The following GRIK2 variants were observed in gnomAD, a reference collection of about 807,000 sequenced individuals.
The protein encoded by GRIK2 is glutamate ionotropic receptor kainate type subunit 2, also known as glutamate receptor ionotropic, kainate 2.
In GRIK2, 32 loss-of-function variants were observed where a neutral mutation model predicts 100.3. The ratio of observed to expected loss-of-function variants is 0.32; its 90% CI spans 0.24 to 0.43. The LOEUF is 0.43. GRIK2 is among the 20% of genes least tolerant of loss of function. The pLI is 1.00. For synonymous variants in GRIK2, 417 were observed against 389.4 expected, an observed-to-expected ratio of 1.07 and a Z score of -0.83; for missense variants, 843 against 1,114.9, an observed-to-expected ratio of 0.76 and a Z score of 3.47.
At chr6:101,468,070 C>G (rs1771751100) in intron 2 of GRIK2, among the ~76,000 whole-genome samples, 2 of 152,090 alleles carry the variant, frequency 1.3e-5, no homozygotes. Flanking sequence ...TATGGAACTG[C>G]CTCAGGCAGA....
At chr6:101,637,774 G>T (rs2128323118) in intron 4 of GRIK2, among the ~76,000 whole-genome samples, 1 of 151,980 alleles carries the variant, frequency 6.6e-6, no homozygotes, top group African/African-American at 2.4e-5. Flanking sequence ...TTAAATTTCT[G>T]GTATTCCTTC....
At chr6:101,797,342 T>C (rs1190860426) in intron 7 of GRIK2, among the ~76,000 whole-genome samples, 2 of 152,118 alleles carry the variant, frequency 1.3e-5, no homozygotes, top group East Asian at 1.9e-4. Context: ...ATATAGTATG[T>C]AGTGGTGGCC....
At chr6:102,063,674 T>C (rs1269905310) in intron 16 of GRIK2, among the ~76,000 whole-genome samples, 2 of 150,318 alleles carry the variant, frequency 1.3e-5, no homozygotes, top group Admixed American at 1.3e-4. Flanking sequence ...TTCTGTAACA[T>C]CAACAATGAT....
At chr6:101,769,488 C>G (rs1282734794) in intron 7 of GRIK2, among the ~76,000 whole-genome samples, 1 of 152,088 alleles carries the variant, frequency 6.6e-6, no homozygotes, top group Non-Finnish European at 1.5e-5. Context: ...GTTAAGAGCC[C>G]TTTGCTGAGC....
chr6:101,683,035 T>C (rs999648801), intron 6 of GRIK2, among the ~76,000 whole-genome samples: 3 of 151,940 alleles, frequency 2.0e-5, no homozygotes, highest in Non-Finnish European at 4.4e-5. Flanking sequence ...GAAACCCATC[T>C]CTACTAAAAA....
intron 7 of GRIK2, among the ~76,000 whole-genome samples, chr6:101,763,108 C>T (rs1777833902): frequency 6.6e-6 from 1 of 152,152 alleles, no homozygotes; most frequent in South Asian, 2.1e-4. Context: ...CAAAGAACAT[C>T]AAGGCCATCC....
intron 7 of GRIK2, among the ~76,000 whole-genome samples, chr6:101,725,180 A>G (rs1774774897): frequency 1.3e-5 from 2 of 152,064 alleles, no homozygotes. Flanking sequence ...GTTCCTTCAA[A>G]GTGAACTTTT....
At chr6:101,716,531 T>C (rs2128362198) in intron 7 of GRIK2, among the ~76,000 whole-genome samples, 1 of 144,414 alleles carries the variant, frequency 6.9e-6, no homozygotes. Context: ...ACTGACAACC[T>C]ATGGAGAGAC....
chr6:101,893,982 T>C (rs1787273277), intron 12 of GRIK2, among the ~76,000 whole-genome samples: 1 of 151,642 alleles, frequency 6.6e-6, no homozygotes. Flanking sequence ...TCTTGTAATA[T>C]ATATTTTGCT....
intron 2 of GRIK2, among the ~76,000 whole-genome samples, chr6:101,419,517 C>T (rs1432642549): frequency 6.6e-6 from 1 of 152,094 alleles, no homozygotes; most frequent in Non-Finnish European, 1.5e-5. Context: ...TTTAGAGGGA[C>T]GGAGCAATAG....
intron 7 of GRIK2, among the ~76,000 whole-genome samples, chr6:101,791,076 C>T (rs1000239571): frequency 5.9e-4 from 89 of 151,980 alleles, no homozygotes; most frequent in South Asian, 2.5e-3. Context: ...TTTTTTATTG[C>T]GTCTATTTGA....
intron 2 of GRIK2, among the ~76,000 whole-genome samples, chr6:101,436,453 G>A (rs1270283997): frequency 3.3e-5 from 5 of 151,858 alleles, no homozygotes; most frequent in Admixed American, 6.6e-5. Context: ...TTTAGCATTT[G>A]CCTTGTAAGA....
intron 7 of GRIK2, among the ~76,000 whole-genome samples, chr6:101,797,302 T>C (rs546173160): frequency 6.6e-6 from 1 of 151,974 alleles, no homozygotes; most frequent in Admixed American, 6.6e-5. Flanking sequence ...AACATTATTA[T>C]TTTATTGTGT....
intron 2 of GRIK2, among the ~76,000 whole-genome samples, chr6:101,503,683 G>T (rs1192931058): frequency 6.6e-6 from 1 of 152,146 alleles, no homozygotes; most frequent in African/African-American, 2.4e-5. Flanking sequence ...CATGATTTAT[G>T]TAAATTTTAG....
chr6:101,856,279 A>G (rs1784421221), intron 10 of GRIK2, among the ~76,000 whole-genome samples: 1 of 152,208 alleles, frequency 6.6e-6, no homozygotes, highest in Admixed American at 6.5e-5. Context: ...AGAGTAAACG[A>G]TGGTGCCATT....
intron 14 of GRIK2, among the ~76,000 whole-genome samples, chr6:101,957,380 C>G (rs529205415): frequency 6.6e-6 from 1 of 151,286 alleles, no homozygotes; most frequent in African/African-American, 2.4e-5. Flanking sequence ...TTTGTAAATT[C>G]TGGATATTAG....
At chr6:101,559,854 C>G (rs1022424568) in intron 2 of GRIK2, among the ~76,000 whole-genome samples, 3 of 151,994 alleles carry the variant, frequency 2.0e-5, no homozygotes, top group Non-Finnish European at 2.9e-5. Flanking sequence ...AAAGGCTCTG[C>G]AGTAGATAGA....
intron 2 of GRIK2, among the ~76,000 whole-genome samples, chr6:101,502,204 A>G (rs1009082808): frequency 4.6e-5 from 7 of 152,208 alleles, no homozygotes; most frequent in Non-Finnish European, 5.9e-5. Context: ...TTATTAAAAC[A>G]TATCTATGAA....
chr6:101,641,266 C>G (rs887136402), intron 4 of GRIK2, among the ~76,000 whole-genome samples: 32 of 151,928 alleles, frequency 2.1e-4, no homozygotes, highest in African/African-American at 7.7e-4. Context: ...ATTACATGTG[C>G]AATGATTCTG....
Sources: allele counts gnomAD v4.1 joint callset (sites outside exome capture counted in the v4.1 genomes callset), GRCh38; gene constraint gnomAD v4.1.1; transcripts MANE v1.5; gene names NCBI Gene and HGNC (gene_info 2026-07-23, HGNC 2026-07-21).